THAP4: variants seen among roughly 807,000 people sequenced by gnomAD.
THAP4 encodes THAP domain containing 4.
Under a neutral mutation model 48.1 loss-of-function variants are expected in THAP4, and 18 were observed. The ratio of observed to expected loss-of-function variants is 0.37; its 90% CI spans 0.26 to 0.56. THAP4 has a LOEUF of 0.56. Among genes scored for constraint, THAP4 ranks in the 20% least tolerant of loss-of-function variants. THAP4 has a pLI of 0.78. For synonymous variants in THAP4, 345 were observed against 324.9 expected (o/e 1.06, Z -0.66); for missense variants, 656 against 774.9 (o/e 0.85, Z 1.82).
intron 5 of THAP4, among the ~76,000 whole-genome samples, chr2:241,596,667 G>A (rs1559219837): frequency 6.6e-6 from 1 of 151,310 alleles, no homozygotes; most frequent in Non-Finnish European, 1.5e-5. Context: ...TTAGCCTGGC[G>A]TGGTGGCGCG....
chr2:241,586,997 C>G (rs2066903181), intron 5 of THAP4, among the ~76,000 whole-genome samples: 2 of 152,184 alleles, frequency 1.3e-5, no homozygotes, highest in African/African-American at 4.8e-5. Flanking sequence ...CTAATTATAT[C>G]ACAGCAAAAC....
intron 2 of THAP4, among the ~76,000 whole-genome samples, chr2:241,623,941 G>A (rs756775567): frequency 6.6e-6 from 1 of 152,140 alleles, no homozygotes; most frequent in Non-Finnish European, 1.5e-5. Flanking sequence ...TGTCCTGCAC[G>A]TCAATTCAGT....
chr2:241,634,183 G>A (rs916717846), intron 1 of THAP4, 104 bp from the exon 2 acceptor site: 25 of 801,816 alleles, frequency 3.1e-5, no homozygotes, highest in Middle Eastern at 7.6e-4. Flanking sequence ...ACCCTAAGCC[G>A]TATTGACTTC....
chr2:241,633,134 G>A lies in THAP4; in HGVS notation c.1023C>T (p.Leu341=), dbSNP rs932383791. ...VILSASGACK[L]IDSLHSYCFS... ...AGCAGTAGGAGTGCAGTGAGTCGAT[G>A]AGCTTGCAGGCCCCTGACGCCGACA... The change falls in exon 2 of 6, where the codon CTC becomes CTT. Residue 341 remains leucine, a synonymous_variant. Transcript: ENST00000407315. This position sits in a 1 kb window ranked among gnomAD's most constrained non-coding sequence, Gnocchi z 7.5. 2 of 1,611,924 alleles carry A rather than the reference G, an allele frequency of 1.2e-6. No individual in the cohort carries two copies. Among genetic ancestry groups the A allele is most frequent in the South Asian group, 1.1e-5 (1 of 90,872 alleles).
chr2:241,617,398 G>C (rs2067361152), intron 2 of THAP4: 1 of 1,539,458 alleles, frequency 6.5e-7, no homozygotes, highest in Non-Finnish European at 8.8e-7. Context: ...CCAAGACACT[G>C]AAAGCAGGCT....
chr2:241,587,567 G>A (rs1575014596), intron 5 of THAP4, among the ~76,000 whole-genome samples: 1 of 152,264 alleles, frequency 6.6e-6, no homozygotes. Flanking sequence ...ATGAAGTTAG[G>A]CCATATACTG....
chr2:241,600,762 T>C (rs991547363), intron 5 of THAP4, among the ~76,000 whole-genome samples: 1 of 146,244 alleles, frequency 6.8e-6, no homozygotes, highest in Non-Finnish European at 1.5e-5. Context: ...AATGAGAGAA[T>C]ATTTTTATCA....
intron 2 of THAP4, among the ~76,000 whole-genome samples, chr2:241,614,385 G>A (rs2067313298): frequency 2.0e-5 from 3 of 152,154 alleles, no homozygotes; most frequent in South Asian, 4.1e-4. Flanking sequence ...CAATGAAGAC[G>A]TAACCGTGAG....
In THAP4 at chr2:241,628,489, C is replaced by G. The variant is rs145349697; in HGVS notation, c.1240+4428G>C. Among the ~76,000 whole-genome samples the G allele has an allele frequency of 1.1e-3, 171 of 152,134 alleles. 1 individual carries two copies. Among genetic ancestry groups the G allele is most frequent in the African/African-American group, 3.7e-3 (154 of 41,496 alleles). ...TCCCACTTAGCATCCTCCAGGTGCT[C>G]AAGCCTAATCCCTGTAGCTGGCCTG... On this transcript the variant is annotated intron_variant, in intron 2 of 5. Transcript: ENST00000407315.
rs1224915265 is a variant in THAP4, at chr2:241,616,403, G to A, written c.1241-9930C>T. Reference sequence around the variant, plus strand: ...GGACCAGAGAGGCCCACCACAGAGCGGGTAAGCAGTGGCACCTGAGCAGGG... The same window carrying A: ...GGACCAGAGAGGCCCACCACAGAGCAGGTAAGCAGTGGCACCTGAGCAGGG... On this transcript the variant is annotated intron_variant, in intron 2 of 5. Coordinates refer to ENST00000407315, the MANE Select transcript of THAP4 (RefSeq NM_015963.6). This position sits in a 1 kb window ranked among gnomAD's most constrained non-coding sequence, Gnocchi z 4.6. Among the ~76,000 whole-genome samples, 1 of 152,226 alleles carries A rather than the reference G, an allele frequency of 6.6e-6. No homozygotes were observed. Among genetic ancestry groups the A allele is most frequent in the Non-Finnish European group, 1.5e-5 (1 of 68,038 alleles).
chr2:241,590,039 G>A (rs2066939452), intron 5 of THAP4, among the ~76,000 whole-genome samples: 1 of 145,734 alleles, frequency 6.9e-6, no homozygotes, highest in African/African-American at 2.6e-5. Flanking sequence ...ACGATGACGG[G>A]CACTAGGACA....
chr2:241,590,063 G>A (rs537119261), intron 5 of THAP4, among the ~76,000 whole-genome samples: 4 of 151,088 alleles, frequency 2.6e-5, no homozygotes, highest in African/African-American at 9.7e-5. Context: ...AGAGCTGCTC[G>A]GCTGACGATG....
At chr2:241,585,925 A>G (rs1435928805) in intron 5 of THAP4, among the ~76,000 whole-genome samples, 4 of 144,180 alleles carry the variant, frequency 2.8e-5, no homozygotes, top group East Asian at 4.1e-4. Flanking sequence ...AAAAAAAAAA[A>G]AAAAGAAAAA....
intron 2 of THAP4, 21 bp from the exon 3 acceptor site, chr2:241,606,494 C>T (rs1272987502): frequency 6.3e-7 from 1 of 1,576,514 alleles, no homozygotes; most frequent in Admixed American, 1.8e-5. Flanking sequence ...AAGAATGAGA[C>T]TATCAGTGGC....
intron 4 of THAP4, among the ~76,000 whole-genome samples, chr2:241,602,762 G>A (rs569828296): frequency 3.9e-5 from 6 of 152,340 alleles, no homozygotes; most frequent in African/African-American, 9.6e-5. Context: ...GGGGCTGCAC[G>A]CACACAACCT....
Position 241,616,817 on chromosome 2 carries a change from C to T in THAP4, c.1241-10344G>A, listed in dbSNP as rs993531922. ...CTGTGAGAAATACTTCCCTTCCTGTCGCCCTCCTGGCTTGCTGTTATTTGC... is the reference window on the plus strand; with the variant it reads ...CTGTGAGAAATACTTCCCTTCCTGTTGCCCTCCTGGCTTGCTGTTATTTGC... On this transcript the variant is annotated intron_variant, in intron 2 of 5. Transcript: ENST00000407315. The surrounding 1 kb of genome is among the most constrained non-coding windows in gnomAD (Gnocchi z 4.6). Among the ~76,000 whole-genome samples the T allele has an allele frequency of 2.6e-5, 4 of 152,028 alleles. No individual in the cohort carries two copies. Among genetic ancestry groups the T allele is most frequent in the Non-Finnish European group, 4.4e-5 (3 of 68,012 alleles).
At chr2:241,596,159 G>A (rs2067043618) in intron 5 of THAP4, among the ~76,000 whole-genome samples, 1 of 148,524 alleles carries the variant, frequency 6.7e-6, no homozygotes, top group South Asian at 2.1e-4. Flanking sequence ...TCTAAAGGTG[G>A]CCTATAAGAT....
chr2:241,631,536 G>A (rs369086820), intron 2 of THAP4, among the ~76,000 whole-genome samples: 33 of 152,204 alleles, frequency 2.2e-4, no homozygotes, highest in African/African-American at 6.8e-4. Flanking sequence ...TGCAATCACA[G>A]CTCACTACAG....
At chr2:241,586,194 T>C (rs919086902) in intron 5 of THAP4, among the ~76,000 whole-genome samples, 4 of 147,762 alleles carry the variant, frequency 2.7e-5, no homozygotes, top group African/African-American at 1.0e-4. Flanking sequence ...GAGGCGGAGC[T>C]TGCAGTGAGC....
Sources: gnomAD v4.1 joint callset for allele counts (sites outside exome capture counted in the v4.1 genomes callset) on GRCh38, gnomAD v4.1.1 for gene constraint, Gnocchi (gnomAD v3.1) non-coding constraint, MANE v1.5 for transcripts, NCBI Gene and HGNC (gene_info 2026-07-23, HGNC 2026-07-21) for gene names.